The following FAT3 variants were observed in gnomAD, a reference collection of about 807,000 sequenced individuals.
FAT3 encodes the protein FAT atypical cadherin 3.
FAT3 carries 95 observed loss-of-function variants against 310.2 expected under a neutral mutation model. The ratio of observed to expected loss-of-function variants is 0.31; its 90% CI spans 0.26 to 0.36. The LOEUF (loss-of-function observed/expected upper bound fraction) is 0.36, where lower values mean the gene tolerates loss of function less well. Ranked by LOEUF, FAT3 falls within the 10% of genes least tolerant of loss-of-function variation. The probability of loss-of-function intolerance (pLI) is 1.00; values close to 1 mark genes in which losing one functional copy is unlikely to be tolerated. For synonymous variants in FAT3, 2,314 were observed against 2,192.9 expected (o/e 1.06, Z -1.54); for missense variants, 5,408 against 5,715.6 (o/e 0.95, Z 1.74).
intron 5 of FAT3, among the ~76,000 whole-genome samples, chr11:92,764,655 CTG>C (rs1456100694): frequency 6.6e-6 from 1 of 152,136 alleles, no homozygotes; most frequent in Non-Finnish European, 1.5e-5. Context: ...GTAAAGTTGA[CTG>C]TGGTCCAGAG....
chr11:92,527,871 A>G (rs1238587376), intron 3 of FAT3, among the ~76,000 whole-genome samples: 1 of 152,268 alleles, frequency 6.6e-6, no homozygotes, highest in African/African-American at 2.4e-5. Context: ...ACAGAGGCAT[A>G]CTAACCAGTA....
intron 1 of FAT3, chr11:92,336,382 C>T (rs1369008015): frequency 3.3e-5 from 12 of 358,684 alleles, no homozygotes; most frequent in Non-Finnish European, 5.4e-5. Context: ...GCAGACAGGG[C>T]GACCACAGTC....
intron 3 of FAT3, among the ~76,000 whole-genome samples, chr11:92,684,111 C>A (rs1943563410): frequency 6.6e-6 from 1 of 152,132 alleles, no homozygotes; most frequent in Non-Finnish European, 1.5e-5. Context: ...GCCATTTGTT[C>A]AGAAGATACT....
At chr11:92,424,572 A>T (rs550898838) in intron 2 of FAT3, among the ~76,000 whole-genome samples, 1 of 152,300 alleles carries the variant, frequency 6.6e-6, no homozygotes, top group African/African-American at 2.4e-5. Context: ...TCACTATTGC[A>T]GTCTAGTAGT....
In FAT3 at chr11:92,798,210, C is replaced by T. The variant is rs374615122; in HGVS notation, c.5197C>T (p.Arg1733Cys). The T allele has an allele frequency of 7.9e-5, 127 of 1,613,932 alleles. No homozygotes were observed. Among genetic ancestry groups the T allele is most frequent in the Admixed American group, 1.7e-4 (10 of 60,026 alleles). The change falls in exon 10 of 28, where the codon CGC becomes TGC. Residue 1733 changes from arginine (R) to cysteine (C), a missense_variant. Coordinates refer to ENST00000525166, the MANE Select transcript of FAT3 (RefSeq NM_001367949.2). ...CACTCAGAAGGCCCTGGATTATGAG[C>T]GCACATCCTCTTATCAACTCATCAT... ...ITTQKALDYE[R>C]TSSYQLIIQA...
chr11:92,557,813 T>C (rs1379976171), intron 3 of FAT3, among the ~76,000 whole-genome samples: 3 of 152,184 alleles, frequency 2.0e-5, no homozygotes, highest in Non-Finnish European at 4.4e-5. Flanking sequence ...GCCTATGATA[T>C]ACTAGGAACC....
chr11:92,438,201 G>A (rs7115810), intron 2 of FAT3, among the ~76,000 whole-genome samples: 8,185 of 152,178 alleles, frequency 0.054, 469 homozygotes, highest in African/African-American at 0.14. Context: ...ATAAAGACAT[G>A]TTAAATAATT....
rs762460541 is a variant in FAT3 at position 92,352,925 on chromosome 11, T to C, written c.813T>C (p.His271=). Residue 271 remains histidine, a synonymous_variant, in exon 2 of 28, where the codon CAT becomes CAC. Transcript: ENST00000525166. The part of the protein sequence containing the change: ...EHAPTIHVVT[H]VPFSLEKEPT... ...CCCCAACAATCCATGTAGTCACTCA[T>C]GTTCCTTTCTCGTTGGAAAAAGAGC... 2 of 1,613,914 alleles carry C rather than the reference T, an allele frequency of 1.2e-6. No homozygotes were observed. The highest frequency in any genetic ancestry group is 1.1e-5 in the South Asian group (1 of 91,078).
At chr11:92,450,927 GT>G (rs1468508007) in intron 2 of FAT3, among the ~76,000 whole-genome samples, 2 of 152,124 alleles carry the variant, frequency 1.3e-5, no homozygotes, top group Non-Finnish European at 2.9e-5. Flanking sequence ...AAATCAAGAA[GT>G]TTTAAAACAG....
chr11:92,546,730 G>A (rs1271693046), intron 3 of FAT3, among the ~76,000 whole-genome samples: 1 of 152,128 alleles, frequency 6.6e-6, no homozygotes, highest in Non-Finnish European at 1.5e-5. Context: ...CTCTTTTAGT[G>A]GGTGGGGAAC....
intron 3 of FAT3, among the ~76,000 whole-genome samples, chr11:92,683,705 T>C (rs1943551759): frequency 6.6e-6 from 1 of 152,188 alleles, no homozygotes; most frequent in Non-Finnish European, 1.5e-5. Flanking sequence ...GTAGTACATA[T>C]GATATTTTAA....
chr11:92,836,759 C>T lies in FAT3; in HGVS notation c.10224+56C>T, dbSNP rs558310851. On this transcript the variant is annotated intron_variant, in intron 16 of 27. Coordinates refer to ENST00000525166, the MANE Select transcript of FAT3 (RefSeq NM_001367949.2). ...TCCACATCCACCACTTTCCTAGAATCAGGGGCACAAGCTCCACGGGTGTAA... is the reference window on the plus strand; with the variant it reads ...TCCACATCCACCACTTTCCTAGAATTAGGGGCACAAGCTCCACGGGTGTAA... The T allele has an allele frequency of 6.3e-6, 10 of 1,581,814 alleles. No individual in the cohort carries two copies. In the East Asian group the frequency reaches 1.6e-4, roughly 25 times the overall value.
At chr11:92,409,034 T>C (rs1950196193) in intron 2 of FAT3, among the ~76,000 whole-genome samples, 1 of 152,228 alleles carries the variant, frequency 6.6e-6, no homozygotes, top group South Asian at 2.1e-4. Flanking sequence ...ACATTACGTA[T>C]AGAAGTGTTG....
chr11:92,883,336 C>G lies in FAT3; in HGVS notation c.12880C>G (p.Pro4294Ala), dbSNP rs777900966. Residue 4294 changes from proline (P) to alanine (A), a missense_variant, in exon 24 of 28, where the codon CCC (proline) becomes GCC (alanine). Pro to Ala is a conservative substitution (Grantham distance 27). Around this residue, in one of 5 missense-constraint regions of FAT3, gnomAD observed 649 missense variants for 666.2 expected, o/e 0.97. Transcript: ENST00000525166. The surrounding 1 kb of genome is among the most constrained non-coding windows in gnomAD (Gnocchi z 4.2). The part of the protein sequence containing the change: ...SVAPNLPAVS[P>A]CRSDCDSIRK... ...GGCCCCCAACCTCCCCGCCGTGTCA[C>G]CCTGCCGCTCCGACTGCGACTCCAT... 1 of 1,610,520 alleles carries G rather than the reference C, an allele frequency of 6.2e-7. No homozygotes were observed. Among genetic ancestry groups the G allele is most frequent in the Non-Finnish European group, 8.5e-7 (1 of 1,178,552 alleles).
intron 2 of FAT3, among the ~76,000 whole-genome samples, chr11:92,370,753 A>G (rs1276040253): frequency 1.3e-5 from 2 of 152,218 alleles, no homozygotes; most frequent in Non-Finnish European, 2.9e-5. Flanking sequence ...TATGGTCACT[A>G]AATTCTTGTG....
intron 13 of FAT3, among the ~76,000 whole-genome samples, chr11:92,811,357 A>AT (rs1947667112): frequency 6.6e-6 from 1 of 152,182 alleles, no homozygotes; most frequent in Non-Finnish European, 1.5e-5. Flanking sequence ...CATAGATGAT[A>AT]TTTTAAAAGC....
At chr11:92,355,429 A>G in intron 2 of FAT3, 25 bp downstream of exon 2, 1 of 1,582,100 alleles carries the variant, frequency 6.3e-7, no homozygotes, top group Non-Finnish European at 8.6e-7. Flanking sequence ...TTGTGCCAAG[A>G]GTGTTGTTTC....
intron 2 of FAT3, among the ~76,000 whole-genome samples, chr11:92,432,257 G>A (rs1565312034): frequency 6.6e-6 from 1 of 152,138 alleles, no homozygotes; most frequent in Non-Finnish European, 1.5e-5. Flanking sequence ...TCTCTTTGAA[G>A]CAATTGTGAA....
intron 2 of FAT3, among the ~76,000 whole-genome samples, chr11:92,523,885 G>T (rs1257227051): frequency 1.3e-5 from 2 of 152,116 alleles, no homozygotes; most frequent in Admixed American, 1.3e-4. Flanking sequence ...TTTCAACCAT[G>T]AAATGGGAAA....
Sources: allele counts gnomAD v4.1 joint callset (sites outside exome capture counted in the v4.1 genomes callset), GRCh38; gene constraint gnomAD v4.1.1; regional missense constraint gnomAD v4.1.1; non-coding constraint Gnocchi (gnomAD v3.1); transcripts MANE v1.5; gene names NCBI Gene and HGNC (gene_info 2026-07-23, HGNC 2026-07-21).